Variants in GLIS3 observed in about 807,000 individuals in gnomAD.
GLIS3 encodes the protein zinc finger protein GLIS3.
GLIS3 carries 53 observed loss-of-function variants against 78.6 expected under a neutral mutation model. That is an observed-to-expected ratio of 0.67 (90% confidence interval 0.54 to 0.85). The LOEUF (loss-of-function observed/expected upper bound fraction) is 0.85, where lower values mean the gene tolerates loss of function less well. Among genes scored for constraint, GLIS3 ranks in the 40% least tolerant of loss-of-function variants. The pLI, the probability that GLIS3 is intolerant of heterozygous loss-of-function variation, is 0.00. For synonymous variants in GLIS3, 684 were observed against 509.9 expected (o/e 1.34, Z -4.60); for missense variants, 1,703 against 1,231.1 (o/e 1.38, Z -5.74).
chr9:3,991,337 CA>C (rs201856690), intron 4 of GLIS3, among the ~76,000 whole-genome samples: 10 of 148,408 alleles, frequency 6.7e-5, no homozygotes, highest in East Asian at 3.9e-4. Context: ...TACAAAAAAA[CA>C]AAAAAAAAGG....
At chr9:4,059,378 T>G (rs1003420760) in intron 4 of GLIS3, among the ~76,000 whole-genome samples, 1 of 152,238 alleles carries the variant, frequency 6.6e-6, no homozygotes, top group African/African-American at 2.4e-5. Context: ...ACTGCTGCTC[T>G]GCTTTCATCC....
At chr9:4,398,803 T>C in the GLIS3 span, among the ~76,000 whole-genome samples, 1 of 152,174 alleles carries the variant, frequency 6.6e-6, no homozygotes, top group Non-Finnish European at 1.5e-5. Flanking sequence ...AATTCTCTGC[T>C]TCAGCCTCCC....
At chr9:3,998,779 T>TAATAATATTTTAATAA in intron 4 of GLIS3, among the ~76,000 whole-genome samples, 1 of 147,940 alleles carries the variant, frequency 6.8e-6, no homozygotes, top group Admixed American at 6.7e-5. Flanking sequence ...TATTAAATAT[T>TAATAATATTTTAATAA]AATAATATTT....
chr9:4,355,145 A>T, the GLIS3 span, among the ~76,000 whole-genome samples: 1 of 146,142 alleles, frequency 6.8e-6, no homozygotes, highest in African/African-American at 2.5e-5. Context: ...AAAAAAAAGA[A>T]AAAGAAAAAG....
chr9:4,326,088 G>C (rs1817593963), intron 2 of GLIS3, among the ~76,000 whole-genome samples: 1 of 152,116 alleles, frequency 6.6e-6, no homozygotes, highest in Non-Finnish European at 1.5e-5. Context: ...AGGAAGAACA[G>C]CTAATGGACG....
At chr9:4,108,988 C>T (rs187561041) in intron 4 of GLIS3, among the ~76,000 whole-genome samples, 1 of 152,124 alleles carries the variant, frequency 6.6e-6, no homozygotes, top group Admixed American at 6.5e-5. Flanking sequence ...TTTCATGCTG[C>T]CTTCCCCGGT....
chr9:4,366,825 CCAAA>C, the GLIS3 span, among the ~76,000 whole-genome samples: 5 of 152,272 alleles, frequency 3.3e-5, no homozygotes, highest in East Asian at 3.9e-4. Flanking sequence ...TGGAAAATGG[CCAAA>C]CAGTTGAGCC....
chr9:4,116,168 T>C (rs1586713844), intron 4 of GLIS3, among the ~76,000 whole-genome samples: 1 of 152,256 alleles, frequency 6.6e-6, no homozygotes, highest in Non-Finnish European at 1.5e-5. Context: ...CGAGCCTTTA[T>C]GTTTATTTCA....
chr9:4,048,470 G>A (rs1419020265), intron 4 of GLIS3, among the ~76,000 whole-genome samples: 2 of 152,054 alleles, frequency 1.3e-5, no homozygotes, highest in African/African-American at 4.8e-5. Flanking sequence ...CATAATATAA[G>A]CCATTCTCAT....
intron 4 of GLIS3, among the ~76,000 whole-genome samples, chr9:3,956,151 A>C (rs540352439): frequency 6.6e-6 from 1 of 152,282 alleles, no homozygotes; most frequent in African/African-American, 2.4e-5. Context: ...GTCATTTATA[A>C]GCTGACTTCC....
chr9:4,145,024 C>T (rs1300799049), intron 2 of GLIS3: 2 of 152,132 alleles, frequency 1.3e-5, no homozygotes, highest in South Asian at 2.1e-4. Context: ...AATTTTCTTC[C>T]CATAGCGAAG....
chr9:4,150,861 C>G (rs1160112784), intron 2 of GLIS3: 2 of 152,192 alleles, frequency 1.3e-5, no homozygotes, highest in Non-Finnish European at 2.9e-5. Flanking sequence ...CTTGGGCACC[C>G]AACTAAACCC....
At chr9:4,229,742 T>G (rs993425306) in intron 2 of GLIS3, among the ~76,000 whole-genome samples, 1 of 152,256 alleles carries the variant, frequency 6.6e-6, no homozygotes, top group African/African-American at 2.4e-5. Context: ...CATGAAGCTC[T>G]TTCAGCTATT....
chr9:4,128,594 T>C (rs555744219), intron 2 of GLIS3, among the ~76,000 whole-genome samples: 103 of 152,306 alleles, frequency 6.8e-4, no homozygotes, highest in African/African-American at 2.4e-3. Flanking sequence ...TACAGTACCA[T>C]TTTTCAAAAA....
At chr9:3,839,966 CCT>C (rs1474475465) in intron 9 of GLIS3, among the ~76,000 whole-genome samples, 2 of 152,098 alleles carry the variant, frequency 1.3e-5, no homozygotes, top group Admixed American at 6.6e-5. Context: ...TGATTTAGCC[CCT>C]CTTTTATTTC....
intron 2 of GLIS3, among the ~76,000 whole-genome samples, chr9:4,264,676 T>G (rs905605279): frequency 6.6e-6 from 1 of 152,164 alleles, no homozygotes; most frequent in East Asian, 1.9e-4. Context: ...CTAAATGTCC[T>G]TTCTACAATA....
intron 2 of GLIS3, among the ~76,000 whole-genome samples, chr9:4,242,573 TC>T (rs1823419700): frequency 6.6e-6 from 1 of 152,066 alleles, no homozygotes; most frequent in African/African-American, 2.4e-5. Flanking sequence ...CACAACAGGC[TC>T]CCCATACCCA....
chr9:3,860,238 G>C (rs768101745), intron 8 of GLIS3, among the ~76,000 whole-genome samples: 6 of 108,590 alleles, frequency 5.5e-5, no homozygotes, highest in Non-Finnish European at 6.8e-5. Context: ...TAGTGACACT[G>C]CACTCCAGCC....
chr9:4,066,858 G>A (rs1054492736), intron 4 of GLIS3, among the ~76,000 whole-genome samples: 7 of 152,104 alleles, frequency 4.6e-5, no homozygotes, highest in Admixed American at 1.3e-4. Context: ...TGGCACTTAC[G>A]GTGCAACAAG....
Sources: gnomAD v4.1 joint callset for allele counts (sites outside exome capture counted in the v4.1 genomes callset) on GRCh38, gnomAD v4.1.1 for gene constraint, MANE v1.5 for transcripts, NCBI Gene and HGNC (gene_info 2026-07-23, HGNC 2026-07-21) for gene names.